The following RECK variants were observed in gnomAD, a reference collection of about 807,000 sequenced individuals.
RECK encodes reversion inducing cysteine rich protein with kazal motifs.
Under a neutral mutation model 115.1 loss-of-function variants are expected in RECK, and 69 were observed. The ratio of observed to expected loss-of-function variants is 0.60; its 90% confidence interval spans 0.49 to 0.73. The LOEUF (loss-of-function observed/expected upper bound fraction) is 0.73. Ranked by LOEUF, RECK falls within the 30% of genes least tolerant of loss-of-function variation. The pLI is 0.00. For synonymous variants in RECK, 414 were observed against 419.7 expected (o/e 0.99, Z 0.17); for missense variants, 1,047 against 1,203.7 (o/e 0.87, Z 1.93).
intron 3 of RECK, among the ~76,000 whole-genome samples, chr9:36,059,160 T>C (rs1821658232): frequency 6.6e-6 from 1 of 152,176 alleles, no homozygotes; most frequent in Non-Finnish European, 1.5e-5. Context: ...AATTTCATTA[T>C]AGTATTTTAT....
chr9:36,104,328 T>TATA (rs1564130954), intron 12 of RECK, among the ~76,000 whole-genome samples: 1 of 7,274 alleles, frequency 1.4e-4, no homozygotes, highest in Non-Finnish European at 2.8e-4. Context: ...ATATATATAT[T>TATA]TTTTTTTTTT....
intron 2 of RECK, among the ~76,000 whole-genome samples, chr9:36,057,884 CA>C (rs1303409255): frequency 2.6e-5 from 4 of 151,606 alleles, no homozygotes; most frequent in African/African-American, 9.7e-5. Flanking sequence ...TTTATGCAGC[CA>C]AAAAACACAT....
At chr9:36,045,405 A>G (rs1198813697) in intron 1 of RECK, among the ~76,000 whole-genome samples, 17 of 152,160 alleles carry the variant, frequency 1.1e-4, no homozygotes, top group Admixed American at 1.1e-3. Context: ...TTTTAAATTA[A>G]TTTTTTAAAT....
chr9:36,074,887 C>T lies in RECK; in HGVS notation c.406-5718C>T, dbSNP rs914138557. ...TTATTATTTCTCACAAATCTAAGGGCTTACTAGGCAGTTCTGCTCTGGCCA... is the reference window on the plus strand; with the variant it reads ...TTATTATTTCTCACAAATCTAAGGGTTTACTAGGCAGTTCTGCTCTGGCCA... On this transcript the variant is annotated intron_variant, in intron 6 of 20. Transcript: ENST00000377966. Among the ~76,000 whole-genome samples the T allele has an allele frequency of 5.9e-5, 9 of 152,336 alleles. No individual in the cohort carries two copies. In the East Asian group the frequency reaches 1.5e-3, roughly 26 times the overall value.
chr9:36,113,609 G>A (rs1824147077), intron 16 of RECK, among the ~76,000 whole-genome samples: 1 of 152,134 alleles, frequency 6.6e-6, no homozygotes, highest in Admixed American at 6.6e-5. Flanking sequence ...AAGTGGGAAG[G>A]CCTTCTTGAG....
At chr9:36,101,122 T>A (rs1254294823) in intron 11 of RECK, among the ~76,000 whole-genome samples, 1 of 151,934 alleles carries the variant, frequency 6.6e-6, no homozygotes, top group Non-Finnish European at 1.5e-5. Context: ...CCAGCTAATG[T>A]TTGTATTCTT....
chr9:36,112,300 C>T lies in RECK; in HGVS notation c.1889-5C>T, dbSNP rs754237183. On this transcript the variant is annotated splice_region_variant and splice_polypyrimidine_tract_variant and intron_variant, in intron 15 of 20. Coordinates refer to ENST00000377966, the MANE Select transcript of RECK (RefSeq NM_021111.3). The stretch of plus-strand genomic sequence containing the variant: ...CATATTTTTGAGGCTGTTTCCTCTC[C>T]TCAGGTCTGCCCTGTAACTGTGCAG... The T allele has an allele frequency of 4.3e-6, 7 of 1,612,530 alleles. No individual in the cohort carries two copies. Among genetic ancestry groups the T allele is most frequent in the Non-Finnish European group, 5.9e-6 (7 of 1,179,714 alleles).
Position 36,037,073 on chromosome 9 carries a change from A to G in RECK, c.75A>G (p.Ala25=). 1.4e-6 allele frequency: 2 copies of G among 1,381,682 alleles called. No homozygotes were observed. The highest frequency in any genetic ancestry group is 3.2e-5 in the South Asian group (2 of 61,722). The allele number at this position is 1,381,682 out of a possible 1,614,324, so 85.6% of individuals were successfully genotyped here. A position where few individuals can be genotyped will look rare whatever the true frequency, so the allele number is the denominator to read the frequency against. Residue 25 remains alanine (A), a synonymous_variant, in exon 1 of 21, where the codon GCA becomes GCG. Coordinates refer to ENST00000377966, the MANE Select transcript of RECK (RefSeq NM_021111.3). Reference sequence around the variant, plus strand: ...CCGTGGCGGGGGTCGCGGAGGTGGCAGGGGGCCTGGCTCCGGGCAGTGCGG... The same window carrying G: ...CCGTGGCGGGGGTCGCGGAGGTGGCGGGGGGCCTGGCTCCGGGCAGTGCGG... ...LLAVAGVAEV[A]GGLAPGSAGA...
At chr9:36,076,850 A>C (rs1194804246) in intron 6 of RECK, among the ~76,000 whole-genome samples, 1 of 152,202 alleles carries the variant, frequency 6.6e-6, no homozygotes, top group Non-Finnish European at 1.5e-5. Flanking sequence ...CTGTGAACAA[A>C]CATTCAACCT....
rs550939644 is a variant in RECK, at chr9:36,116,957, C to T, written c.2061-28C>T. ...CCACCACAGTCCCTCCCTACATTGG[C>T]TCATGGTGCTGCATTCGTCTTTTTC... On this transcript the variant is annotated intron_variant, in intron 16 of 20. Transcript: ENST00000377966. 5 of 1,581,524 alleles carry T rather than the reference C, an allele frequency of 3.2e-6. No individual in the cohort carries two copies. In the Admixed American group the frequency reaches 8.6e-5, roughly 27 times the overall value.
chr9:36,104,774 G>A (rs898469623), intron 12 of RECK, among the ~76,000 whole-genome samples: 2 of 152,090 alleles, frequency 1.3e-5, no homozygotes, highest in Non-Finnish European at 2.9e-5. Flanking sequence ...CTCCCAAAGT[G>A]CTGGGATTAC....
intron 13 of RECK, 21 bp downstream of exon 13, chr9:36,105,304 A>G (rs772514276): frequency 1.2e-6 from 2 of 1,613,216 alleles, no homozygotes; most frequent in Admixed American, 3.3e-5. Context: ...GGTGGGTGTG[A>G]GAAGAGGATG....
At chr9:36,118,162 A>G (rs368814973) in intron 17 of RECK, among the ~76,000 whole-genome samples, 23 of 152,154 alleles carry the variant, frequency 1.5e-4, no homozygotes, top group African/African-American at 5.1e-4. Context: ...TTCCATCATG[A>G]TGTCTCCCTG....
chr9:36,107,950 C>G, intron 13 of RECK, 26 bp from the exon 14 acceptor site: 1 of 1,575,728 alleles, frequency 6.3e-7, no homozygotes, highest in Non-Finnish European at 8.7e-7. Context: ...AGTACCATCT[C>G]TCTCAGCTAA....
chr9:36,079,630 C>A (rs976581002), intron 6 of RECK, among the ~76,000 whole-genome samples: 2 of 152,168 alleles, frequency 1.3e-5, no homozygotes, highest in South Asian at 4.1e-4. Context: ...TTTAACAAAT[C>A]CCCATCACCT....
At chr9:36,097,188 C>T (rs771738782) in intron 10 of RECK, among the ~76,000 whole-genome samples, 18 of 151,756 alleles carry the variant, frequency 1.2e-4, no homozygotes, top group South Asian at 4.2e-4. Flanking sequence ...ATTAGCTGGG[C>T]GTGGTGGCAG....
chr9:36,078,214 T>C (rs1279506744), intron 6 of RECK, among the ~76,000 whole-genome samples: 2 of 152,242 alleles, frequency 1.3e-5, no homozygotes, highest in African/African-American at 4.8e-5. Context: ...CATAAGTATT[T>C]CCCCTTTCTA....
At chr9:36,041,250 T>C (rs971299352) in intron 1 of RECK, among the ~76,000 whole-genome samples, 3 of 152,192 alleles carry the variant, frequency 2.0e-5, no homozygotes, top group African/African-American at 4.8e-5. Flanking sequence ...TATGGTTTCA[T>C]CAGGTATATA....
intron 8 of RECK, among the ~76,000 whole-genome samples, chr9:36,087,407 T>C (rs1390102755): frequency 6.6e-6 from 1 of 152,148 alleles, no homozygotes; most frequent in Non-Finnish European, 1.5e-5. Context: ...AACAAAATAC[T>C]GCATGTTCTC....
Sources: gnomAD v4.1 joint callset for allele counts (sites outside exome capture counted in the v4.1 genomes callset) on GRCh38, gnomAD v4.1.1 for gene constraint, MANE v1.5 for transcripts, NCBI Gene and HGNC (gene_info 2026-07-23, HGNC 2026-07-21) for gene names.